The following TGFBR3 variants were observed in gnomAD, a reference collection of about 807,000 sequenced individuals.
TGFBR3 encodes transforming growth factor beta receptor type 3.
TGFBR3 carries 46 observed loss-of-function variants against 87.9 expected under a neutral mutation model. That is an observed-to-expected ratio of 0.52 (90% CI 0.41 to 0.67). TGFBR3 has a LOEUF of 0.67. TGFBR3 is among the 30% of genes least tolerant of loss of function. The pLI is 0.00. For missense variants in TGFBR3, 866 were observed against 1,041.9 expected (o/e 0.83, Z 2.32); for synonymous variants, 381 against 391.6 (o/e 0.97, Z 0.32).
chr1:91,853,098 G>A (rs957872173), intron 2 of TGFBR3, among the ~76,000 whole-genome samples: 2 of 151,756 alleles, frequency 1.3e-5, no homozygotes, highest in Admixed American at 6.6e-5. Flanking sequence ...GGTCGAGGCT[G>A]CAGTGAGCCA....
intron 4 of TGFBR3, among the ~76,000 whole-genome samples, chr1:91,748,679 G>A (rs1224313496): frequency 6.6e-6 from 1 of 152,054 alleles, no homozygotes; most frequent in Admixed American, 6.5e-5. Flanking sequence ...CGAGTCAGCA[G>A]TGTGACTGTT....
chr1:91,857,165 C>T (rs367784425), intron 2 of TGFBR3, among the ~76,000 whole-genome samples: 8 of 152,202 alleles, frequency 5.3e-5, no homozygotes, highest in Admixed American at 1.3e-4. Flanking sequence ...TTGAGGCCAC[C>T]GTTTGAATTC....
At chr1:91,727,508 A>G in intron 7 of TGFBR3, 151 bp downstream of exon 7, 1 of 961,848 alleles carries the variant, frequency 1.0e-6, no homozygotes, top group South Asian at 1.6e-5. Flanking sequence ...CACCTATTTT[A>G]TAGGAGCATG....
intron 2 of TGFBR3, among the ~76,000 whole-genome samples, chr1:91,893,534 C>T (rs543401663): frequency 9.4e-4 from 143 of 152,274 alleles, no homozygotes; most frequent in African/African-American, 3.3e-3. Context: ...CTGCCCATCT[C>T]GGCCTCAAAG....
chr1:91,872,186 G>A (rs1038895746), intron 1 of TGFBR3, among the ~76,000 whole-genome samples: 10 of 152,174 alleles, frequency 6.6e-5, no homozygotes, highest in Admixed American at 6.5e-4. Context: ...AATAAGAGCA[G>A]GAGGCAAATT....
At chr1:91,769,531 A>G (rs1447132423) in intron 3 of TGFBR3, among the ~76,000 whole-genome samples, 1 of 151,968 alleles carries the variant, frequency 6.6e-6, no homozygotes, top group Non-Finnish European at 1.5e-5. Flanking sequence ...TCACAGCACT[A>G]TCATGACCAA....
intron 2 of TGFBR3, among the ~76,000 whole-genome samples, chr1:91,847,330 G>A (rs1263395034): frequency 2.0e-5 from 3 of 152,060 alleles, no homozygotes; most frequent in Non-Finnish European, 4.4e-5. Flanking sequence ...AGGGCCGGGC[G>A]CGGTGGCTCA....
chr1:91,755,495 T>C (rs1022288505), intron 4 of TGFBR3, among the ~76,000 whole-genome samples: 5 of 152,012 alleles, frequency 3.3e-5, no homozygotes, highest in Non-Finnish European at 7.4e-5. Flanking sequence ...CAAAGCAGAG[T>C]TCAGGTGTCC....
chr1:91,759,982 C>T (rs569462053), intron 3 of TGFBR3, among the ~76,000 whole-genome samples: 1 of 152,288 alleles, frequency 6.6e-6, no homozygotes, highest in South Asian at 2.1e-4. Flanking sequence ...CACTTATGAC[C>T]AATGTCACTT....
intron 4 of TGFBR3, among the ~76,000 whole-genome samples, chr1:91,739,019 G>T (rs559858852): frequency 6.6e-6 from 1 of 152,360 alleles, no homozygotes; most frequent in East Asian, 1.9e-4. Flanking sequence ...CATGGTGAAG[G>T]AAGACCAAGG....
intron 14 of TGFBR3, among the ~76,000 whole-genome samples, chr1:91,705,532 A>G (rs1671772726): frequency 6.7e-6 from 1 of 149,764 alleles, no homozygotes; most frequent in Non-Finnish European, 1.5e-5. Context: ...CCCAGCCCAC[A>G]GTCTCTTTTC....
chr1:91,771,976 G>T (rs967564799), intron 3 of TGFBR3, among the ~76,000 whole-genome samples: 2 of 152,010 alleles, frequency 1.3e-5, no homozygotes, highest in Non-Finnish European at 2.9e-5. Context: ...GATCTAAGGG[G>T]TCCAGACAAG....
intron 3 of TGFBR3, among the ~76,000 whole-genome samples, chr1:91,776,010 A>G (rs943733255): frequency 1.3e-5 from 2 of 152,254 alleles, no homozygotes; most frequent in Non-Finnish European, 2.9e-5. Context: ...GCTGATGTTA[A>G]TAACAGGGTG....
intron 3 of TGFBR3, among the ~76,000 whole-genome samples, chr1:91,789,499 A>G (rs1675106591): frequency 2.0e-5 from 3 of 152,180 alleles, no homozygotes; most frequent in Admixed American, 6.5e-5. Flanking sequence ...CAGCATCTGG[A>G]TATTACTGTG....
chr1:91,790,499 T>A (rs561201802), intron 3 of TGFBR3, among the ~76,000 whole-genome samples: 1 of 152,212 alleles, frequency 6.6e-6, no homozygotes. Context: ...GAAAACTAAA[T>A]GACCATTTCA....
chr1:91,827,162 T>A (rs1314196118), intron 2 of TGFBR3, among the ~76,000 whole-genome samples: 1 of 151,888 alleles, frequency 6.6e-6, no homozygotes, highest in Non-Finnish European at 1.5e-5. Context: ...GCTCCCGGGG[T>A]GGGGACGCCG....
At chr1:91,810,241 T>C (rs1675982825) in intron 2 of TGFBR3, among the ~76,000 whole-genome samples, 1 of 152,120 alleles carries the variant, frequency 6.6e-6, no homozygotes, top group African/African-American at 2.4e-5. Flanking sequence ...ATATTTTTTG[T>C]AGAGACGGGG....
intron 3 of TGFBR3, among the ~76,000 whole-genome samples, chr1:91,761,427 C>T (rs1673958450): frequency 6.6e-6 from 1 of 152,164 alleles, no homozygotes; most frequent in Admixed American, 6.5e-5. Context: ...CTGACTCTGG[C>T]ACACAGGGTC....
At chr1:91,745,127 A>G (rs1231143994) in intron 4 of TGFBR3, among the ~76,000 whole-genome samples, 2 of 152,116 alleles carry the variant, frequency 1.3e-5, no homozygotes, top group African/African-American at 4.8e-5. Context: ...GGGCTGCTCT[A>G]ACTCGCACAT....
Sources: gnomAD v4.1 joint callset for allele counts (sites outside exome capture counted in the v4.1 genomes callset) on GRCh38, gnomAD v4.1.1 for gene constraint, MANE v1.5 for transcripts, NCBI Gene and HGNC (gene_info 2026-07-23, HGNC 2026-07-21) for gene names.